The following REV3L variants were observed in gnomAD, a reference collection of about 807,000 sequenced individuals.
The protein encoded by REV3L is DNA polymerase zeta catalytic subunit.
A neutral mutation model predicts 299.4 loss-of-function variants in REV3L; 69 were observed. The ratio of observed to expected loss-of-function variants is 0.23; its 90% CI spans 0.19 to 0.28. The LOEUF (loss-of-function observed/expected upper bound fraction) is 0.28, where lower values mean the gene tolerates loss of function less well. REV3L is among the 10% of genes least tolerant of loss of function. REV3L has a pLI of 1.00. For missense variants in REV3L, 3,128 were observed against 3,693.8 expected (o/e 0.85, Z 3.97); for synonymous variants, 1,238 against 1,271.4 (o/e 0.97, Z 0.56).
intron 1 of REV3L, among the ~76,000 whole-genome samples, chr6:111,441,734 T>C (rs35284274): frequency 6.6e-6 from 1 of 152,218 alleles, no homozygotes; most frequent in Non-Finnish European, 1.5e-5. Context: ...TTCTCTACTG[T>C]CCTTGTTTTT....
At chr6:111,457,504 CTAAT>C (rs757192429) in intron 1 of REV3L, among the ~76,000 whole-genome samples, 36 of 151,694 alleles carry the variant, frequency 2.4e-4, no homozygotes, top group Non-Finnish European at 3.5e-4. Context: ...TTATATTTTA[CTAAT>C]AATCTGAAGG....
At position 111,386,024 on chromosome 6, in the gene REV3L, TAA is replaced by T. The variant is rs1562233186; in HGVS notation, c.1096+1739_1096+1740del. On this transcript the variant is annotated intron_variant, in intron 9 of 31. Coordinates refer to ENST00000368802, the MANE Select transcript of REV3L (RefSeq NM_001372078.1). The stretch of plus-strand genomic sequence containing the variant: ...CGTATGATACAATGTGACTTCTGAG[TAA>T]AACTTTTATTATTGTCTTGTTTACT... Among the ~76,000 whole-genome samples the T allele has an allele frequency of 5.9e-5, 9 of 152,356 alleles. 1 individual carries two copies. In the South Asian group the frequency reaches 1.9e-3, roughly 32 times the overall value.
intron 3 of REV3L, among the ~76,000 whole-genome samples, chr6:111,409,058 A>T (rs138815677): frequency 6.6e-6 from 1 of 152,382 alleles, no homozygotes; most frequent in African/African-American, 2.4e-5. Context: ...TTTTCAAAAC[A>T]AGAACAACTT....
chr6:111,420,841 T>C (rs371158355), intron 1 of REV3L, among the ~76,000 whole-genome samples: 42 of 152,174 alleles, frequency 2.8e-4, no homozygotes, highest in Non-Finnish European at 5.6e-4. Context: ...CCCAGAATTA[T>C]ACTAAACATT....
chr6:111,413,934 C>G (rs1784508081), intron 2 of REV3L, among the ~76,000 whole-genome samples: 1 of 151,908 alleles, frequency 6.6e-6, no homozygotes, highest in African/African-American at 2.4e-5. Flanking sequence ...ATAAACAAAA[C>G]TAAAAGATAA....
At chr6:111,452,713 A>T (rs1299893465) in intron 1 of REV3L, among the ~76,000 whole-genome samples, 1 of 152,210 alleles carries the variant, frequency 6.6e-6, no homozygotes, top group Non-Finnish European at 1.5e-5. Context: ...ATATACCATG[A>T]CTGTGGTGAT....
At chr6:111,462,024 T>C (rs1345468989) in intron 1 of REV3L, among the ~76,000 whole-genome samples, 1 of 152,138 alleles carries the variant, frequency 6.6e-6, no homozygotes, top group African/African-American at 2.4e-5. Context: ...ATATGCTGAC[T>C]ATAAGAAACC....
At chr6:111,345,816 G>C (rs1220048117) in intron 20 of REV3L, among the ~76,000 whole-genome samples, 2 of 149,460 alleles carry the variant, frequency 1.3e-5, no homozygotes, top group Admixed American at 6.7e-5. Flanking sequence ...ATAACCCTTT[G>C]TGAGTGATGG....
intron 1 of REV3L, among the ~76,000 whole-genome samples, chr6:111,419,519 G>A (rs1785091471): frequency 1.3e-5 from 2 of 152,190 alleles, no homozygotes; most frequent in South Asian, 4.1e-4. Context: ...ATACAGAGCT[G>A]TAAAGTCTTT....
At chr6:111,304,613 CTTTTTTTTTTTT>C (rs57907202) in intron 31 of REV3L, among the ~76,000 whole-genome samples, 1 of 116,634 alleles carries the variant, frequency 8.6e-6, no homozygotes, top group Non-Finnish European at 1.9e-5. Context: ...ATCGCTTTTT[CTTTTTTTTTTTT>C]TTTTCGATCC....
chr6:111,319,769 A>G (rs1283417310), intron 26 of REV3L, among the ~76,000 whole-genome samples: 1 of 152,048 alleles, frequency 6.6e-6, no homozygotes, highest in African/African-American at 2.4e-5. Context: ...TGGTTATGCC[A>G]TCATCTAGGA....
At chr6:111,418,868 T>C (rs548802088) in intron 1 of REV3L, among the ~76,000 whole-genome samples, 13 of 152,326 alleles carry the variant, frequency 8.5e-5, no homozygotes, top group African/African-American at 3.1e-4. Context: ...ACATGGTATG[T>C]GCTTAACAAA....
chr6:111,440,823 T>C (rs987434803), intron 1 of REV3L, among the ~76,000 whole-genome samples: 33 of 152,206 alleles, frequency 2.2e-4, no homozygotes, highest in African/African-American at 7.5e-4. Flanking sequence ...TCTGAGAAAG[T>C]TTTTTATTTC....
At chr6:111,408,651 A>AC in intron 3 of REV3L, among the ~76,000 whole-genome samples, 3 of 147,780 alleles carry the variant, frequency 2.0e-5, no homozygotes, top group South Asian at 2.2e-4. Flanking sequence ...ACAAAACAAA[A>AC]ACAACATTAT....
chr6:111,362,833 CTA>C (rs1247192190), intron 16 of REV3L, among the ~76,000 whole-genome samples: 2 of 152,084 alleles, frequency 1.3e-5, no homozygotes, highest in Non-Finnish European at 2.9e-5. Context: ...TTTGAGTCAA[CTA>C]TGTTTTAAAA....
chr6:111,339,034 G>C (rs139932634), intron 21 of REV3L, among the ~76,000 whole-genome samples: 1 of 152,150 alleles, frequency 6.6e-6, no homozygotes, highest in East Asian at 1.9e-4. Context: ...TGGTTTCACT[G>C]TTGTAAGGTG....
rs898731188 is a variant in REV3L at position 111,374,987 on chromosome 6, G to C, written c.3368C>G (p.Ser1123Cys). 6.2e-7 allele frequency: 1 copy of C among 1,612,584 alleles called. No homozygotes were observed. The highest frequency in any genetic ancestry group is 8.5e-7 in the Non-Finnish European group (1 of 1,179,548). ...GGGAGACCAGCAGCGAGGTGGAGAA[G>C]AATTTATGGGACTTGTGCTTCTCTC... The part of the protein sequence containing the change: ...LSERSTSPIN[S>C]SPPRCWSPTD... Residue 1123 changes from serine to cysteine, a missense_variant, in exon 13 of 32, where the codon TCT becomes TGT. Ser to Cys is a moderately radical substitution (Grantham distance 112). Transcript: ENST00000368802.
intron 5 of REV3L, 135 bp downstream of exon 5, chr6:111,392,741 T>A: frequency 1.9e-6 from 1 of 533,722 alleles, no homozygotes. Flanking sequence ...AATGTCAAGG[T>A]TTGTTTCTGT....
At position 111,322,133 on chromosome 6, in the gene REV3L, ATTC is replaced by A. The variant is rs1325112740; in HGVS notation, c.8351+433_8351+435del. Among the ~76,000 whole-genome samples the A allele has an allele frequency of 5.3e-5, 8 of 152,306 alleles. No individual in the cohort carries two copies. In the East Asian group the frequency reaches 1.3e-3, roughly 26 times the overall value. On this transcript the variant is annotated intron_variant, in intron 26 of 31. Transcript: ENST00000368802. Reference sequence around the variant, plus strand: ...TGCACTTCTCTTAGAAGGTCAACATATTCTGGGGCCGAGTGGTAAGTTAACCAT... The same window carrying A: ...TGCACTTCTCTTAGAAGGTCAACATATGGGGCCGAGTGGTAAGTTAACCAT...
Sources: allele counts gnomAD v4.1 joint callset (sites outside exome capture counted in the v4.1 genomes callset), GRCh38; gene constraint gnomAD v4.1.1; transcripts MANE v1.5; gene names NCBI Gene and HGNC (gene_info 2026-07-23, HGNC 2026-07-21).